MYO1H: variants seen among roughly 807,000 people sequenced by gnomAD.
MYO1H encodes the protein unconventional myosin-Ih.
A neutral mutation model predicts 149.3 loss-of-function variants in MYO1H; 118 were observed. That is an observed-to-expected ratio of 0.79 (90% CI 0.68 to 0.92). The LOEUF (loss-of-function observed/expected upper bound fraction) is 0.92. MYO1H is among the 40% of genes least tolerant of loss of function. The pLI is 0.00. For synonymous variants in MYO1H, 447 were observed against 465.2 expected (o/e 0.96, Z 0.50); for missense variants, 1,212 against 1,280.7 (o/e 0.95, Z 0.82).
chr12:109,313,221 T>C, the MYO1H span, among the ~76,000 whole-genome samples: 3 of 152,118 alleles, frequency 2.0e-5, no homozygotes, highest in Non-Finnish European at 4.4e-5. Context: ...CACTCCAGCC[T>C]GGGCAACAGA....
At chr12:109,348,231 G>C (rs1443151450) in intron 1 of MYO1H, among the ~76,000 whole-genome samples, 1 of 152,246 alleles carries the variant, frequency 6.6e-6, no homozygotes, top group Non-Finnish European at 1.5e-5. Context: ...CATTGGTCTA[G>C]AACAGCGTGC....
At chr12:109,316,293 C>T in the MYO1H span, among the ~76,000 whole-genome samples, 3 of 152,140 alleles carry the variant, frequency 2.0e-5, no homozygotes, top group African/African-American at 4.8e-5. Flanking sequence ...ACCCAGCAAC[C>T]GTGAGTGGTT....
intron 15 of MYO1H, 35 bp from the exon 16 acceptor site, chr12:109,420,946 A>G (rs1258150594): frequency 8.3e-7 from 1 of 1,205,140 alleles, no homozygotes; most frequent in Admixed American, 1.8e-5. Context: ...AGGCAGAGAC[A>G]TTGATTCAAA....
At chr12:109,408,003 G>T in intron 10 of MYO1H, 90 bp downstream of exon 10, 1 of 1,551,898 alleles carries the variant, frequency 6.4e-7, no homozygotes, top group South Asian at 1.1e-5. Flanking sequence ...GAGGGAGAAT[G>T]AACTGTGGGC....
chr12:109,417,331 ATC>A (rs2135568257), intron 15 of MYO1H, among the ~76,000 whole-genome samples: 1 of 151,994 alleles, frequency 6.6e-6, no homozygotes, highest in East Asian at 1.9e-4. Context: ...CATTCTATAT[ATC>A]TGTTATGTTC....
At chr12:109,345,915 G>A (rs1044805180), upstream of MYO1H, among the ~76,000 whole-genome samples, 11 of 152,142 alleles carry the variant, frequency 7.2e-5, no homozygotes, top group Non-Finnish European at 1.5e-4. Flanking sequence ...TATAGAGACA[G>A]CAGATTAGTG....
chr12:109,333,962 A>T, the MYO1H span, among the ~76,000 whole-genome samples: 1 of 151,628 alleles, frequency 6.6e-6, no homozygotes, highest in Non-Finnish European at 1.5e-5. Flanking sequence ...TTACTTATAT[A>T]TTTACTTATT....
chr12:109,346,434 T>G (rs1471410216), upstream of MYO1H, among the ~76,000 whole-genome samples: 1 of 152,186 alleles, frequency 6.6e-6, no homozygotes, highest in Non-Finnish European at 1.5e-5. Context: ...ATATTTCAAT[T>G]AAAAATATAT....
chr12:109,367,539 G>GTATT (rs547332101), intron 1 of MYO1H, among the ~76,000 whole-genome samples: 1,580 of 151,910 alleles, frequency 0.01, 27 homozygotes, highest in African/African-American at 0.031. Context: ...TATTATTCAT[G>GTATT]TATTTATTTA....
the MYO1H span, among the ~76,000 whole-genome samples, chr12:109,310,776 T>C: frequency 6.6e-6 from 1 of 152,204 alleles, no homozygotes; most frequent in Admixed American, 6.5e-5. Flanking sequence ...CTTCCTCCTT[T>C]CTTCTCTGCC....
At chr12:109,411,800 TC>T in intron 13 of MYO1H, 93 bp from the exon 14 acceptor site, 1 of 843,590 alleles carries the variant, frequency 1.2e-6, no homozygotes, top group East Asian at 2.8e-5. Flanking sequence ...AGTCTTTTAG[TC>T]CAGTACTTTC....
At chr12:109,363,648 G>GT (rs1225886184) in intron 1 of MYO1H, among the ~76,000 whole-genome samples, 2 of 151,746 alleles carry the variant, frequency 1.3e-5, no homozygotes, top group African/African-American at 4.8e-5. Flanking sequence ...GGAGGCAGAG[G>GT]TTGCAGAGAG....
the MYO1H span, among the ~76,000 whole-genome samples, chr12:109,321,650 T>C: frequency 2.0e-5 from 3 of 152,310 alleles, no homozygotes; most frequent in East Asian, 5.8e-4. Flanking sequence ...ATGAGAAGCT[T>C]ACTGGCTAAT....
At chr12:109,366,473 C>T (rs1339778240) in intron 1 of MYO1H, among the ~76,000 whole-genome samples, 1 of 152,126 alleles carries the variant, frequency 6.6e-6, no homozygotes, top group African/African-American at 2.4e-5. Context: ...ATCCTTGAAA[C>T]AAATGTGGAA....
intron 1 of MYO1H, chr12:109,354,300 G>A (rs1868531819): frequency 6.6e-6 from 1 of 151,958 alleles, no homozygotes; most frequent in Admixed American, 6.6e-5. Flanking sequence ...GCCATAATAA[G>A]CTATAAAAAT....
the MYO1H span, among the ~76,000 whole-genome samples, chr12:109,313,464 C>T: frequency 6.6e-6 from 1 of 152,290 alleles, no homozygotes; most frequent in East Asian, 1.9e-4. Context: ...ATACACTGGT[C>T]ATTGATCTCC....
chr12:109,409,246 C>CTTTTTTTTTTTTTTT (rs66507410), intron 10 of MYO1H, among the ~76,000 whole-genome samples: 46 of 47,842 alleles, frequency 9.6e-4, no homozygotes, highest in East Asian at 2.6e-3. Flanking sequence ...TCTTCTTCTT[C>CTTTTTTTTTTTTTTT]TTTTTTTTTT....
the MYO1H span, among the ~76,000 whole-genome samples, chr12:109,326,608 G>A: frequency 6.6e-6 from 1 of 151,350 alleles, no homozygotes; most frequent in Non-Finnish European, 1.5e-5. Context: ...TGCAACCTCC[G>A]CCTCCTGGGT....
intron 1 of MYO1H, among the ~76,000 whole-genome samples, chr12:109,356,199 C>T (rs1868592901): frequency 6.6e-6 from 1 of 152,084 alleles, no homozygotes; most frequent in African/African-American, 2.4e-5. Flanking sequence ...GATGAAAAAA[C>T]AAAACCCTGA....
Sources: allele counts gnomAD v4.1 joint callset (sites outside exome capture counted in the v4.1 genomes callset), GRCh38; gene constraint gnomAD v4.1.1; transcripts MANE v1.5; gene names NCBI Gene and HGNC (gene_info 2026-07-23, HGNC 2026-07-21).